The following BBS4 variants were observed in gnomAD, a reference collection of about 807,000 sequenced individuals.
BBS4 encodes Bardet-Biedl syndrome 4.
Under a neutral mutation model 71.4 loss-of-function variants are expected in BBS4, and 58 were observed. That is an observed-to-expected ratio of 0.81 (90% CI 0.66 to 1.01). The LOEUF is 1.01. Among genes scored for constraint, BBS4 ranks in the 50% least tolerant of loss-of-function variants. The probability of loss-of-function intolerance (pLI) is 0.00; values close to 1 mark genes in which losing one functional copy is unlikely to be tolerated. For missense variants in BBS4, 660 were observed against 607.9 expected (o/e 1.09, Z -0.90); for synonymous variants, 228 against 216.8 (o/e 1.05, Z -0.46).
intron 1 of BBS4, 102 bp from the exon 2 acceptor site, chr15:72,695,075 C>A: frequency 1.3e-6 from 1 of 788,214 alleles, no homozygotes; most frequent in Non-Finnish European, 2.2e-6. Flanking sequence ...GGATTAATTG[C>A]ATAATTGGTG....
At chr15:72,734,983 G>T in intron 12 of BBS4, 130 bp from the exon 13 acceptor site, 1 of 705,586 alleles carries the variant, frequency 1.4e-6, no homozygotes, top group Non-Finnish European at 2.6e-6. Flanking sequence ...ATAGCACCAG[G>T]TATCTAAGCT....
chr15:72,731,018 C>G (rs111972851), intron 10 of BBS4, among the ~76,000 whole-genome samples: 1,604 of 144,870 alleles, frequency 0.011, 34 homozygotes, highest in African/African-American at 0.038. Flanking sequence ...TACTGACTTT[C>G]CTGGCTAGAA....
chr15:72,729,832 T>C, intron 10 of BBS4, 148 bp downstream of exon 10: 1 of 686,812 alleles, frequency 1.5e-6, no homozygotes, highest in East Asian at 2.7e-5. Context: ...GCTCTTCTTA[T>C]TTGAAAATAG....
At chr15:72,719,441 G>A (rs1382193347) in intron 6 of BBS4, among the ~76,000 whole-genome samples, 1 of 151,564 alleles carries the variant, frequency 6.6e-6, no homozygotes, top group Non-Finnish European at 1.5e-5. Flanking sequence ...GTGGAAATGA[G>A]GTCTCATGTT....
chr15:72,737,368 C>A, intron 15 of BBS4, 110 bp from the exon 16 acceptor site: 1 of 925,056 alleles, frequency 1.1e-6, no homozygotes, highest in Non-Finnish European at 1.7e-6. Flanking sequence ...TGGGTCAGTC[C>A]CACTGGTTCC....
chr15:72,687,130 T>A (rs1036192493), intron 1 of BBS4, among the ~76,000 whole-genome samples: 1 of 131,178 alleles, frequency 7.6e-6, no homozygotes, highest in African/African-American at 2.8e-5. Context: ...GAAACTTTTT[T>A]TTTTGAGACG....
At chr15:72,737,285 T>C (rs1293163455) in intron 15 of BBS4, among the ~76,000 whole-genome samples, 193 bp from the exon 16 acceptor site, 3 of 152,238 alleles carry the variant, frequency 2.0e-5, no homozygotes, top group Non-Finnish European at 4.4e-5. Context: ...CACGTAAATA[T>C]TTTTCAGTGA....
chr15:72,736,048 A>C lies in BBS4; in HGVS notation c.1248+82A>C, dbSNP rs1047183033. 8.6e-6 allele frequency: 13 copies of C among 1,511,138 alleles called. No individual in the cohort carries two copies. The East Asian group carries it at 3.0e-4, about 34-fold the overall frequency. 93.6% of individuals were successfully genotyped at this position (1,511,138 alleles called of 1,614,324 possible). On this transcript the variant is annotated intron_variant, in intron 14 of 15. Coordinates refer to ENST00000268057, the MANE Select transcript of BBS4 (RefSeq NM_033028.5). ...AATCAAGCCCAGATCATCCAAATCC[A>C]AGGTATTACACGTTCATGGCTGTTC...
rs917095896 is a variant in BBS4, at chr15:72,737,531, G to C, written c.1504G>C (p.Glu502Gln). 6.2e-7 allele frequency: 1 copy of C among 1,613,226 alleles called. No individual in the cohort carries two copies. Among genetic ancestry groups the C allele is most frequent in the South Asian group, 1.1e-5 (1 of 90,736 alleles). ...GCCCCCATCTCTTCCTCTGGAGCCA[G>C]AGCCTGCGGTGGAATCAAGTCCAAC... ...TKPPSLPLEP[E>Q]PAVESSPTET... The change falls in exon 16 of 16, where the codon GAG becomes CAG. Residue 502 changes from glutamate (E) to glutamine (Q), a missense_variant. Transcript: ENST00000268057.
chr15:72,691,855 C>G (rs1194213172), intron 1 of BBS4, among the ~76,000 whole-genome samples: 2 of 150,970 alleles, frequency 1.3e-5, no homozygotes, highest in African/African-American at 4.9e-5. Flanking sequence ...CCCTGCTACT[C>G]GGGAGGCTGA....
chr15:72,729,790 C>T, intron 10 of BBS4, 106 bp downstream of exon 10: 2 of 930,446 alleles, frequency 2.1e-6, no homozygotes, highest in South Asian at 1.4e-5. Flanking sequence ...ATTTGGATAC[C>T]TGAGAAATAG....
At chr15:72,734,862 G>A (rs1254817345) in intron 12 of BBS4, among the ~76,000 whole-genome samples, 1 of 152,070 alleles carries the variant, frequency 6.6e-6, no homozygotes, top group Non-Finnish European at 1.5e-5. Flanking sequence ...GGGAATAAAT[G>A]GAAAGCCTAA....
At chr15:72,718,440 G>C (rs1283713967) in intron 6 of BBS4, among the ~76,000 whole-genome samples, 3 of 152,146 alleles carry the variant, frequency 2.0e-5, no homozygotes, top group Non-Finnish European at 4.4e-5. Context: ...TTCTCAGAGA[G>C]ACATTCATAT....
intron 2 of BBS4, among the ~76,000 whole-genome samples, chr15:72,695,632 C>T (rs1468256219): frequency 6.6e-6 from 1 of 152,144 alleles, no homozygotes; most frequent in Admixed American, 6.5e-5. Flanking sequence ...TATATTATTT[C>T]AAAATGAGTG....
chr15:72,713,891 CT>C (rs1186974590), intron 4 of BBS4, among the ~76,000 whole-genome samples: 4 of 152,110 alleles, frequency 2.6e-5, no homozygotes, highest in Non-Finnish European at 5.9e-5. Flanking sequence ...CAGTATTAAT[CT>C]TTTTATGGAA....
At chr15:72,709,658 C>G in intron 2 of BBS4, 42 bp from the exon 3 acceptor site, 1 of 1,434,580 alleles carries the variant, frequency 7.0e-7, no homozygotes, top group African/African-American at 1.4e-5. Context: ...AGGAGAAAAT[C>G]TAATGACTGT....
chr15:72,724,102 T>C (rs931916644), intron 7 of BBS4, among the ~76,000 whole-genome samples: 3 of 152,144 alleles, frequency 2.0e-5, no homozygotes, highest in Admixed American at 1.3e-4. Flanking sequence ...ATGAGAACAA[T>C]CTATTTATTC....
At chr15:72,731,815 TAGG>T in intron 12 of BBS4, 89 bp downstream of exon 12, 1 of 1,484,690 alleles carries the variant, frequency 6.7e-7, no homozygotes, top group Non-Finnish European at 9.3e-7. Flanking sequence ...GGCTGTCTCA[TAGG>T]AGCCATTCCC....
chr15:72,731,229 T>C lies in BBS4; in HGVS notation c.712-76T>C. On this transcript the variant is annotated intron_variant, in intron 10 of 15. Coordinates refer to ENST00000268057, the MANE Select transcript of BBS4 (RefSeq NM_033028.5). ...TCTATGCTGATGGGCCTGCTGAGTA[T>C]AGACTCAGGAAAGCTGCCCCACTGC... 9 of 1,594,110 alleles carry C rather than the reference T, an allele frequency of 5.6e-6. No homozygotes were observed. The South Asian group carries it at 7.8e-5, about 14-fold the overall frequency.
Sources: gnomAD v4.1 joint callset for allele counts (sites outside exome capture counted in the v4.1 genomes callset) on GRCh38, gnomAD v4.1.1 for gene constraint, MANE v1.5 for transcripts, NCBI Gene and HGNC (gene_info 2026-07-23, HGNC 2026-07-21) for gene names.